The following SMAD3 variants were observed in gnomAD, a reference collection of about 807,000 sequenced individuals.
SMAD3 encodes the protein SMAD family member 3.
SMAD3 carries 12 observed loss-of-function variants against 51.8 expected under a neutral mutation model. The observed-to-expected ratio is 0.23, with a 90% CI of 0.15 to 0.38. SMAD3 has a LOEUF of 0.38. Ranked by LOEUF, SMAD3 falls within the 10% of genes least tolerant of loss-of-function variation. The pLI is 1.00. For synonymous variants in SMAD3, 238 were observed against 227.7 expected (o/e 1.05, Z -0.41); for missense variants, 294 against 565.6 (o/e 0.52, Z 4.87).
At chr15:67,159,760 A>C (rs932211706) in intron 1 of SMAD3, among the ~76,000 whole-genome samples, 1 of 152,164 alleles carries the variant, frequency 6.6e-6, no homozygotes, top group Non-Finnish European at 1.5e-5. Flanking sequence ...CTTTAGTTTA[A>C]ATTACCTTAT....
chr15:67,125,325 T>C (rs1307266643), intron 1 of SMAD3, among the ~76,000 whole-genome samples: 1 of 152,246 alleles, frequency 6.6e-6, no homozygotes, highest in Non-Finnish European at 1.5e-5. Context: ...GAGAGCCTCT[T>C]TGAAGCGCTG....
intron 1 of SMAD3, chr15:67,125,628 T>G: frequency 2.7e-6 from 2 of 738,982 alleles, no homozygotes; most frequent in Non-Finnish European, 3.3e-6. Flanking sequence ...CCAGAGTGCG[T>G]GGTGTTTATT....
intron 1 of SMAD3, among the ~76,000 whole-genome samples, chr15:67,137,188 C>T (rs1566980260): frequency 6.6e-6 from 1 of 152,160 alleles, no homozygotes; most frequent in Non-Finnish European, 1.5e-5. Context: ...TGAAAAAGGA[C>T]AAGGGTGTTT....
chr15:67,172,428 C>T (rs1030912485), intron 5 of SMAD3, among the ~76,000 whole-genome samples: 1 of 152,228 alleles, frequency 6.6e-6, no homozygotes, highest in East Asian at 1.9e-4. Flanking sequence ...CCTGGCTTCC[C>T]CTCTGCTTCA....
At chr15:67,188,868 T>G (rs1963290725) in intron 8 of SMAD3, among the ~76,000 whole-genome samples, 1 of 152,258 alleles carries the variant, frequency 6.6e-6, no homozygotes, top group Non-Finnish European at 1.5e-5. Flanking sequence ...TGTAAAATCC[T>G]CCTCTTCCAC....
chr15:67,094,930 T>G (rs1405441310), intron 1 of SMAD3, among the ~76,000 whole-genome samples: 1 of 152,152 alleles, frequency 6.6e-6, no homozygotes, highest in Non-Finnish European at 1.5e-5. Flanking sequence ...TCCAGAGAAG[T>G]CAGCTGAGCT....
At position 67,192,999 on chromosome 15, in the gene SMAD3, A is replaced by T; in HGVS notation, c.*2463A>T. Reference sequence around the variant, plus strand: ...GATTGTAGGCAAACCCACCTGTGGCATCACTGAAAATAAATTTGATCATAC... The same window carrying T: ...GATTGTAGGCAAACCCACCTGTGGCTTCACTGAAAATAAATTTGATCATAC... On this transcript the variant is annotated 3_prime_UTR_variant, in exon 9 of 9. Coordinates refer to ENST00000327367, the MANE Select transcript of SMAD3 (RefSeq NM_005902.4). 4.3e-6 allele frequency: 1 copy of T among 233,290 alleles called. No individual in the cohort carries two copies. Among genetic ancestry groups the T allele is most frequent in the Non-Finnish European group, 8.5e-6 (1 of 117,974 alleles). The allele number at this position is 233,290 out of a possible 1,614,324, so 14.5% of individuals were successfully genotyped here. A position where few individuals can be genotyped will look rare whatever the true frequency, so the allele number is the denominator to read the frequency against.
intron 1 of SMAD3, among the ~76,000 whole-genome samples, chr15:67,141,802 G>T (rs1169707034): frequency 6.6e-6 from 1 of 152,102 alleles, no homozygotes; most frequent in Non-Finnish European, 1.5e-5. Flanking sequence ...ATCTGCTCTG[G>T]TTCATGGCTT....
intron 1 of SMAD3, among the ~76,000 whole-genome samples, chr15:67,127,001 C>T (rs746066191): frequency 4.6e-5 from 7 of 152,258 alleles, no homozygotes; most frequent in African/African-American, 1.4e-4. Context: ...TATGTTTTGG[C>T]GTGAGCAGTA....
intron 1 of SMAD3, among the ~76,000 whole-genome samples, chr15:67,144,605 G>A (rs1961925199): frequency 6.6e-6 from 1 of 152,218 alleles, no homozygotes; most frequent in South Asian, 2.1e-4. Flanking sequence ...GGGCACAGAA[G>A]AGGTTCCTGT....
intron 1 of SMAD3, among the ~76,000 whole-genome samples, chr15:67,089,697 A>T (rs1379613429): frequency 6.6e-6 from 1 of 152,196 alleles, no homozygotes; most frequent in Non-Finnish European, 1.5e-5. Flanking sequence ...AAAGGGGGAC[A>T]CCACTACTTT....
At chr15:67,097,875 C>T (rs905086566) in intron 1 of SMAD3, among the ~76,000 whole-genome samples, 4 of 152,184 alleles carry the variant, frequency 2.6e-5, no homozygotes, top group Non-Finnish European at 4.4e-5. Context: ...GAGCCTCTGC[C>T]TCAGACTTCT....
chr15:67,180,149 G>A (rs1963013191), intron 5 of SMAD3, among the ~76,000 whole-genome samples: 1 of 152,198 alleles, frequency 6.6e-6, no homozygotes, highest in South Asian at 2.1e-4. Flanking sequence ...AGTCAGTGCA[G>A]TGCAGAGAAG....
At chr15:67,118,877 A>T (rs1173532745) in intron 1 of SMAD3, among the ~76,000 whole-genome samples, 46 of 152,242 alleles carry the variant, frequency 3.0e-4, no homozygotes, top group Non-Finnish European at 1.3e-4. Context: ...GCTCAGGGAC[A>T]TGCATCCCCT....
chr15:67,145,213 C>T (rs954695064), intron 1 of SMAD3, among the ~76,000 whole-genome samples: 6 of 152,138 alleles, frequency 3.9e-5, no homozygotes, highest in African/African-American at 1.4e-4. Flanking sequence ...TCCAGCCTGC[C>T]CATTTTATAG....
At chr15:67,104,072 G>C (rs970536667) in intron 1 of SMAD3, among the ~76,000 whole-genome samples, 2 of 152,150 alleles carry the variant, frequency 1.3e-5, no homozygotes, top group African/African-American at 2.4e-5. Flanking sequence ...TGCCTCTGCT[G>C]GTTTTGTTGT....
At chr15:67,087,815 G>A (rs955234281) in intron 1 of SMAD3, among the ~76,000 whole-genome samples, 6 of 152,156 alleles carry the variant, frequency 3.9e-5, no homozygotes, top group Non-Finnish European at 1.5e-5. Flanking sequence ...TATATTTTCT[G>A]GGCAGCAGAA....
At chr15:67,131,189 G>A (rs917067845) in intron 1 of SMAD3, among the ~76,000 whole-genome samples, 6 of 152,166 alleles carry the variant, frequency 3.9e-5, no homozygotes, top group East Asian at 1.9e-4. Context: ...GAGGACCCGC[G>A]GCTTCGCATG....
chr15:67,072,813 G>A (rs1960085640), intron 1 of SMAD3, among the ~76,000 whole-genome samples: 1 of 152,152 alleles, frequency 6.6e-6, no homozygotes, highest in South Asian at 2.1e-4. Flanking sequence ...ATGGTTCCTG[G>A]AAACAGTGGG....
Sources: gnomAD v4.1 joint callset for allele counts (sites outside exome capture counted in the v4.1 genomes callset) on GRCh38, gnomAD v4.1.1 for gene constraint, MANE v1.5 for transcripts, NCBI Gene and HGNC (gene_info 2026-07-23, HGNC 2026-07-21) for gene names.